The following TMEM207 variants were observed in gnomAD, a reference collection of about 807,000 sequenced individuals.
TMEM207 encodes the protein SRSR846.
A neutral mutation model predicts 17.4 loss-of-function variants in TMEM207; 15 were observed. The ratio of observed to expected loss-of-function variants is 0.86; its 90% confidence interval spans 0.58 to 1.33. The LOEUF (loss-of-function observed/expected upper bound fraction) is 1.33. Ranked by LOEUF, TMEM207 falls within the 40% of genes most tolerant of loss-of-function variation. The pLI is 0.00. For synonymous variants in TMEM207, 70 were observed against 65.6 expected, an observed-to-expected ratio of 1.07 and a Z score of -0.33; for missense variants, 205 against 173.8, an observed-to-expected ratio of 1.18 and a Z score of -1.01.
At chr3:190,434,848 G>A (rs945277680) in intron 4 of TMEM207, among the ~76,000 whole-genome samples, 12 of 152,214 alleles carry the variant, frequency 7.9e-5, no homozygotes, top group African/African-American at 2.7e-4. Context: ...GGGGAACATA[G>A]TAAAGGGAGA....
At position 190,449,720 on chromosome 3, in the gene TMEM207, AAG is replaced by A; in HGVS notation, c.75+13_75+14del. ...GTACCTCTGAAAACCTTAACCCAGA[AAG>A]AGAGATAGTTACCTGGAATAGCGGC... On this transcript the variant is annotated intron_variant, in intron 1 of 4. Transcript: ENST00000354905. 3 of 1,613,316 alleles carry A rather than the reference AAG, an allele frequency of 1.9e-6. No individual in the cohort carries two copies. Among genetic ancestry groups the A allele is most frequent in the Non-Finnish European group, 2.5e-6 (3 of 1,179,372 alleles).
At chr3:190,437,737 C>T (rs569590244) in intron 4 of TMEM207, among the ~76,000 whole-genome samples, 2 of 152,194 alleles carry the variant, frequency 1.3e-5, no homozygotes, top group South Asian at 4.1e-4. Context: ...ACCCAGCCAT[C>T]TCATTACTGG....
Position 190,449,727 on chromosome 3 carries a change from A to C in TMEM207, c.75+8T>G, listed in dbSNP as rs1468673871. The C allele has an allele frequency of 6.2e-7, 1 of 1,613,598 alleles. No homozygotes were observed. Among genetic ancestry groups the C allele is most frequent in the Non-Finnish European group, 8.5e-7 (1 of 1,179,594 alleles). On this transcript the variant is annotated splice_region_variant and intron_variant, in intron 1 of 4. Transcript: ENST00000354905. ...TGAAAACCTTAACCCAGAAAGAGAG[A>C]TAGTTACCTGGAATAGCGGCAAACA... is the stretch of plus-strand genomic sequence containing the variant.
At chr3:190,440,993 C>T (rs574162829) in intron 3 of TMEM207, among the ~76,000 whole-genome samples, 15 of 152,118 alleles carry the variant, frequency 9.9e-5, no homozygotes, top group Admixed American at 4.6e-4. Context: ...GGCGGGAACC[C>T]GGGAGGCGGA....
Position 190,447,811 on chromosome 3 carries a change from A to G in TMEM207, c.92T>C (p.Leu31Pro). 1 of 1,612,632 alleles carries G rather than the reference A, an allele frequency of 6.2e-7. No individual in the cohort carries two copies. Among genetic ancestry groups the G allele is most frequent in the Non-Finnish European group, 8.5e-7 (1 of 1,179,354 alleles). Residue 31 changes from leucine (L) to proline (P), a missense_variant, in exon 2 of 5, where the codon CTA (leucine) becomes CCA (proline). Physicochemically the swap from Leu to Pro is moderately conservative, Grantham distance 98. Coordinates refer to ENST00000354905, the MANE Select transcript of TMEM207 (RefSeq NM_207316.3). The part of the protein sequence containing the change: ...LPLFQLVLSD[L>P]PCEEDEMCVN... ...TTACATTTCATCTTCTTCGCATGGTAGGTCCGAGAGCACCAACTGAAACAC... is the reference window on the plus strand; with the variant it reads ...TTACATTTCATCTTCTTCGCATGGTGGGTCCGAGAGCACCAACTGAAACAC...
intron 2 of TMEM207, among the ~76,000 whole-genome samples, chr3:190,443,793 T>G (rs1719987086): frequency 6.6e-6 from 1 of 152,194 alleles, no homozygotes; most frequent in Admixed American, 6.5e-5. Flanking sequence ...GTTATATTTT[T>G]GAAAATGAAA....
chr3:190,440,444 G>GAAA, intron 3 of TMEM207, 55 bp from the exon 4 acceptor site: 5 of 1,517,876 alleles, frequency 3.3e-6, no homozygotes, highest in Non-Finnish European at 3.6e-6. Flanking sequence ...GGGAAGTTAA[G>GAAA]AGCTTCCATC....
intron 4 of TMEM207, among the ~76,000 whole-genome samples, chr3:190,430,268 A>T (rs1041455819): frequency 4.0e-5 from 6 of 151,534 alleles, no homozygotes; most frequent in Non-Finnish European, 5.9e-5. Context: ...TCTAAAATTT[A>T]AAAAAAAACT....
At chr3:190,448,396 A>T (rs1357406788) in intron 1 of TMEM207, among the ~76,000 whole-genome samples, 1 of 152,128 alleles carries the variant, frequency 6.6e-6, no homozygotes, top group Non-Finnish European at 1.5e-5. Context: ...AAGAGAAAAA[A>T]AGTAATCATC....
chr3:190,440,149 A>G (rs1201022698), intron 4 of TMEM207, 95 bp downstream of exon 4: 2 of 1,442,024 alleles, frequency 1.4e-6, no homozygotes, highest in East Asian at 4.7e-5. Context: ...ATCTTTTTCT[A>G]AGTTCCCAGA....
rs565268862 is a variant in TMEM207 at position 190,429,050 on chromosome 3, G to A, written c.*545C>T. 6.8e-6 allele frequency: 1 copy of A among 147,530 alleles called. No individual in the cohort carries two copies. Among genetic ancestry groups the A allele is most frequent in the East Asian group, 2.0e-4 (1 of 5,120 alleles). The allele number at this position is 147,530 out of a possible 1,614,324, so 9.1% of individuals were successfully genotyped here. On this transcript the variant is annotated 3_prime_UTR_variant, in exon 5 of 5. Transcript: ENST00000354905. ...GCATAAAACCTCTTGTTTTTGCTGA[G>A]ACTTGTAATCTTTTCCTTTTCCTCT...
chr3:190,443,498 A>G (rs1274249054), intron 2 of TMEM207, among the ~76,000 whole-genome samples: 5 of 152,136 alleles, frequency 3.3e-5, no homozygotes, highest in Non-Finnish European at 5.9e-5. Flanking sequence ...GTAATCATGT[A>G]AGCTCCAAAT....
intron 2 of TMEM207, among the ~76,000 whole-genome samples, chr3:190,445,805 G>A (rs1407145125): frequency 1.3e-5 from 2 of 152,152 alleles, no homozygotes. Context: ...GGATTACAGG[G>A]TTAGCCACTG....
In TMEM207 at chr3:190,429,445, C is replaced by T. The variant is rs1426451854; in HGVS notation, c.*150G>A. On this transcript the variant is annotated 3_prime_UTR_variant, in exon 5 of 5. Transcript: ENST00000354905. ...ACATCTCCATGACCAAAATTTTTTC[C>T]AACATCCATTCTTTTGTCGAATTGT... The T allele has an allele frequency of 2.5e-6, 3 of 1,182,016 alleles. No individual in the cohort carries two copies. The highest frequency in any genetic ancestry group is 1.6e-5 in the African/African-American group (1 of 62,996). The allele number at this position is 1,182,016 out of a possible 1,614,324, so 73.2% of individuals were successfully genotyped here.
At chr3:190,444,124 T>C (rs1441325316) in intron 2 of TMEM207, among the ~76,000 whole-genome samples, 2 of 152,228 alleles carry the variant, frequency 1.3e-5, no homozygotes, top group Admixed American at 6.5e-5. Flanking sequence ...AGTTGCTTCA[T>C]TGGTTTCTCT....
At chr3:190,433,315 T>G (rs939473728) in intron 4 of TMEM207, among the ~76,000 whole-genome samples, 19 of 152,268 alleles carry the variant, frequency 1.2e-4, no homozygotes, top group Admixed American at 1.2e-3. Flanking sequence ...CATCCTTATT[T>G]TTAGTAAATT....
intron 2 of TMEM207, among the ~76,000 whole-genome samples, chr3:190,446,408 C>A (rs1720052137): frequency 6.6e-6 from 1 of 152,182 alleles, no homozygotes; most frequent in South Asian, 2.1e-4. Flanking sequence ...TTGTGCACGT[C>A]TTCAATACAT....
chr3:190,448,403 C>T (rs1397820114), intron 1 of TMEM207, among the ~76,000 whole-genome samples: 1 of 152,062 alleles, frequency 6.6e-6, no homozygotes, highest in Non-Finnish European at 1.5e-5. Context: ...AAAAAGTAAT[C>T]ATCTTTGTTG....
At chr3:190,444,588 A>G (rs1373909666) in intron 2 of TMEM207, 1 of 295,514 alleles carries the variant, frequency 3.4e-6, no homozygotes, top group Non-Finnish European at 5.0e-6. Context: ...TAAACCGAAT[A>G]TAGTAAATAC....
Sources: allele counts gnomAD v4.1 joint callset (sites outside exome capture counted in the v4.1 genomes callset), GRCh38; gene constraint gnomAD v4.1.1; transcripts MANE v1.5; gene names NCBI Gene and HGNC (gene_info 2026-07-23, HGNC 2026-07-21).